Variants in AP1G2 observed in about 807,000 individuals in gnomAD.
AP1G2 encodes AP-1 complex subunit gamma-like 2.
Under a neutral mutation model 95.8 loss-of-function variants are expected in AP1G2, and 85 were observed. The observed-to-expected ratio is 0.89, with a 90% CI of 0.74 to 1.06. The LOEUF is 1.06. Among genes scored for constraint, AP1G2 ranks in the 50% least tolerant of loss-of-function variants. The pLI is 0.00. For synonymous variants in AP1G2, 378 were observed against 400.0 expected (o/e 0.94, Z 0.66); for missense variants, 967 against 1,005.8 (o/e 0.96, Z 0.52).
In AP1G2 at chr14:23,561,385, C is replaced by T. The variant is rs1387015795; in HGVS notation, c.1904G>A (p.Gly635Glu). The T allele has an allele frequency of 6.2e-7, 1 of 1,602,820 alleles. No homozygotes were observed. Among genetic ancestry groups the T allele is most frequent in the African/African-American group, 1.3e-5 (1 of 74,576 alleles). Residue 635 changes from glycine to glutamate, a missense_variant, in exon 19 of 22, where the codon GGG becomes GAG. Physicochemically the swap from Gly to Glu is moderately conservative, Grantham distance 98. Transcript: ENST00000397120. ...DLLDLLDGAS[G>E]DVQHPPHLDP... ...CAGATGGGGAGGATGCTGGACATCC[C>T]CAGAAGCCCCATCCAGGAGATCTAG... is the stretch of plus-strand genomic sequence containing the variant.
Position 23,567,525 on chromosome 14 carries a change from C to G in AP1G2, c.-5-206G>C, listed in dbSNP as rs1888662912. ...AGCCCACTACGCATGCGTCCGCACC[C>G]CACCGGCGCCCCTTCCTATTGAGCA... is the stretch of plus-strand genomic sequence containing the variant. On this transcript the variant is annotated intron_variant, in intron 1 of 21. Coordinates refer to ENST00000397120, the MANE Select transcript of AP1G2 (RefSeq NM_003917.5). The surrounding 1 kb of genome is among the most constrained non-coding windows in gnomAD (Gnocchi z 5.3). 7.4e-7 allele frequency: 1 copy of G among 1,359,496 alleles called. No homozygotes were observed. Among genetic ancestry groups the G allele is most frequent in the Non-Finnish European group, 9.4e-7 (1 of 1,064,338 alleles). 84.2% of individuals were successfully genotyped at this position (1,359,496 alleles called of 1,614,324 possible). A position where few individuals can be genotyped will look rare whatever the true frequency, so the allele number is the denominator to read the frequency against.
chr14:23,565,745 C>T, intron 6 of AP1G2, 44 bp from the exon 7 acceptor site: 12 of 1,609,292 alleles, frequency 7.5e-6, no homozygotes, highest in Non-Finnish European at 1.0e-5. Flanking sequence ...TAATCCTCTC[C>T]AGCTAAAGCC....
chr14:23,564,477 G>T, intron 9 of AP1G2, 85 bp downstream of exon 9: 1 of 1,599,902 alleles, frequency 6.3e-7, no homozygotes, highest in Non-Finnish European at 8.6e-7. Flanking sequence ...AGATGATGGG[G>T]CTAGGAGGGA....
Position 23,562,499 on chromosome 14 carries a change from C to T in AP1G2, c.1500+5G>A, listed in dbSNP as rs1349430910. 7 of 1,614,136 alleles carry T rather than the reference C, an allele frequency of 4.3e-6. No individual in the cohort carries two copies. Among genetic ancestry groups the T allele is most frequent in the Non-Finnish European group, 5.9e-6 (7 of 1,179,982 alleles). On this transcript the variant is annotated splice_donor_5th_base_variant and intron_variant, in intron 15 of 21. Coordinates refer to ENST00000397120, the MANE Select transcript of AP1G2 (RefSeq NM_003917.5). ...CTCCTCAGTGTACCCCCAATGAGGT[C>T]TCACCTGAAGGGGCTCAATCTCCTC...
Position 23,565,224 on chromosome 14 carries a change from G to A in AP1G2, c.742-25C>T, listed in dbSNP as rs762297976. 6 of 1,610,238 alleles carry A rather than the reference G, an allele frequency of 3.7e-6. No individual in the cohort carries two copies. The South Asian group carries it at 6.6e-5, about 18-fold the overall frequency. On this transcript the variant is annotated intron_variant, in intron 7 of 21. Coordinates refer to ENST00000397120, the MANE Select transcript of AP1G2 (RefSeq NM_003917.5). ...CCTGAGGTTGGGTTGAAAATGGAAA[G>A]TTGGAGGGGTTCATAGGATAAGGAG...
At position 23,561,278 on chromosome 14, in the gene AP1G2, C is replaced by T. The variant is rs370416368; in HGVS notation, c.1993+18G>A. 274 of 1,521,002 alleles carry T rather than the reference C, an allele frequency of 1.8e-4. No individual in the cohort carries two copies. Among genetic ancestry groups the T allele is most frequent in the Admixed American group, 4.9e-4 (22 of 44,964 alleles). The allele number at this position is 1,521,002 out of a possible 1,614,324, so 94.2% of individuals were successfully genotyped here. On this transcript the variant is annotated intron_variant, in intron 19 of 21. Coordinates refer to ENST00000397120, the MANE Select transcript of AP1G2 (RefSeq NM_003917.5). ...CCACCTACCTTCTCTAAGACATCTT[C>T]CCTTTGCTTAGGCTTACCTGGGGGT...
At chr14:23,561,930 G>A in intron 17 of AP1G2, 32 bp downstream of exon 17, 2 of 1,577,066 alleles carry the variant, frequency 1.3e-6, no homozygotes, top group Non-Finnish European at 1.7e-6. Flanking sequence ...CAGGGGTTTG[G>A]GTCCCATGCT....
At position 23,567,329 on chromosome 14, in the gene AP1G2, T is replaced by C; in HGVS notation, c.-5-10A>G. 6.2e-7 allele frequency: 1 copy of C among 1,610,050 alleles called. No individual in the cohort carries two copies. Among genetic ancestry groups the C allele is most frequent in the Non-Finnish European group, 8.5e-7 (1 of 1,179,052 alleles). On this transcript the variant is annotated splice_polypyrimidine_tract_variant and intron_variant, in intron 1 of 21. Coordinates refer to ENST00000397120, the MANE Select transcript of AP1G2 (RefSeq NM_003917.5). This position sits in a 1 kb window ranked among gnomAD's most constrained non-coding sequence, Gnocchi z 5.3. ...GGCACCACCATCCTGACTGGCAGAG[T>C]CCGGGAGTGGAGAAACACTCTCTGG...
At position 23,567,640 on chromosome 14, in the gene AP1G2, A is replaced by C. The variant is rs1595384801; in HGVS notation, c.-6+99T>G. ...CTCAGCCATTGCTTTTTTTTCCACG[A>C]CCCTCCGCTGTTTCTTCCGCGAGCT... On this transcript the variant is annotated intron_variant, in intron 1 of 21. Coordinates refer to ENST00000397120, the MANE Select transcript of AP1G2 (RefSeq NM_003917.5). This position sits in a 1 kb window ranked among gnomAD's most constrained non-coding sequence, Gnocchi z 5.3. 5 of 1,094,958 alleles carry C rather than the reference A, an allele frequency of 4.6e-6. No individual in the cohort carries two copies. The highest frequency in any genetic ancestry group is 3.5e-5 in the South Asian group (1 of 28,490). 67.8% of individuals were successfully genotyped at this position (1,094,958 alleles called of 1,614,324 possible).
At position 23,567,242 on chromosome 14, in the gene AP1G2, G is replaced by C; in HGVS notation, c.73C>G (p.Arg25Gly). The C allele has an allele frequency of 1.9e-6, 3 of 1,612,924 alleles. No individual in the cohort carries two copies. The highest frequency in any genetic ancestry group is 2.5e-6 in the Non-Finnish European group (3 of 1,179,456). The change falls in exon 2 of 22, where the codon CGG becomes GGG. Residue 25 changes from arginine to glycine, a missense_variant. Physicochemically the swap from Arg to Gly is moderately radical, Grantham distance 125. Coordinates refer to ENST00000397120, the MANE Select transcript of AP1G2 (RefSeq NM_003917.5). This position sits in a 1 kb window ranked among gnomAD's most constrained non-coding sequence, Gnocchi z 5.3. ...IRGAKTQAQE[R>G]EVIQKECAHI... ...GCACACTCCTTTTGGATCACCTCCC[G>C]CTCCTGGGCCTGAGTCTTGGCCCCG... is the stretch of plus-strand genomic sequence containing the variant.
At chr14:23,560,522 T>G in intron 19 of AP1G2, 104 bp from the exon 20 acceptor site, 1 of 1,201,058 alleles carries the variant, frequency 8.3e-7, no homozygotes, top group Non-Finnish European at 1.2e-6. Flanking sequence ...CCTGCACTAC[T>G]CGAAAGGCTA....
chr14:23,566,496 C>A, intron 3 of AP1G2, 66 bp downstream of exon 3: 1 of 1,608,048 alleles, frequency 6.2e-7, no homozygotes. Context: ...AGGCAGTCCC[C>A]TGGGATTTCC....
chr14:23,563,989 G>A (rs1241048702), intron 11 of AP1G2, 57 bp downstream of exon 11: 1 of 1,609,650 alleles, frequency 6.2e-7, no homozygotes. Flanking sequence ...TCGAGTCTTG[G>A]CCACAGGGCA....
At chr14:23,564,505 C>A (rs1474972831) in intron 9 of AP1G2, 57 bp downstream of exon 9, 1 of 1,601,520 alleles carries the variant, frequency 6.2e-7, no homozygotes, top group South Asian at 1.1e-5. Context: ...GCAAGCAGGA[C>A]CTGTGTGGGT....
intron 2 of AP1G2, 184 bp downstream of exon 2, chr14:23,566,927 T>C: frequency 1.1e-6 from 1 of 891,704 alleles, no homozygotes; most frequent in Non-Finnish European, 1.7e-6. Flanking sequence ...GGCCAGAGAA[T>C]GAAGGGTTCA....
At chr14:23,564,912 T>C in intron 8 of AP1G2, 1 of 638,900 alleles carries the variant, frequency 1.6e-6, no homozygotes, top group Non-Finnish European at 2.7e-6. Flanking sequence ...CAAAGTTCCC[T>C]GAGGCTCTAC....
chr14:23,560,408 T>C lies in AP1G2; in HGVS notation c.2004A>G (p.Pro668=). The change falls in exon 20 of 22, where the codon CCA becomes CCG. Residue 668 remains proline, a synonymous_variant. Coordinates refer to ENST00000397120, the MANE Select transcript of AP1G2 (RefSeq NM_003917.5). ...CCTCACGCTCAAACACTTTGAGATC[T>C]GGGATGGGAGCTGGAGTAGGGAGAC... ...PCVPPPPAPI[P]DLKVFEREGV... The C allele has an allele frequency of 6.2e-7, 1 of 1,613,320 alleles. No individual in the cohort carries two copies. Among genetic ancestry groups the C allele is most frequent in the South Asian group, 1.1e-5 (1 of 90,996 alleles).
intron 11 of AP1G2, 86 bp downstream of exon 11, chr14:23,563,960 C>T: frequency 6.2e-7 from 1 of 1,603,352 alleles, no homozygotes; most frequent in Non-Finnish European, 8.5e-7. Flanking sequence ...TCCCCTTACT[C>T]CAGCTGCTCT....
At position 23,566,049 on chromosome 14, in the gene AP1G2, G is replaced by C. The variant is rs771854531; in HGVS notation, c.568+15C>G. ...ATAGACCTGAAGCAAAGGATGGGGG[G>C]CCCCACAGCCTTACCATGGTGACGC... On this transcript the variant is annotated intron_variant, in intron 5 of 21. Coordinates refer to ENST00000397120, the MANE Select transcript of AP1G2 (RefSeq NM_003917.5). 3 of 1,614,032 alleles carry C rather than the reference G, an allele frequency of 1.9e-6. No homozygotes were observed. Among genetic ancestry groups the C allele is most frequent in the South Asian group, 1.1e-5 (1 of 91,086 alleles).
Sources: gnomAD v4.1 joint callset for allele counts on GRCh38, gnomAD v4.1.1 for gene constraint, Gnocchi (gnomAD v3.1) non-coding constraint, MANE v1.5 for transcripts, NCBI Gene and HGNC (gene_info 2026-07-23, HGNC 2026-07-21) for gene names.